PPFIA4: variants seen among roughly 807,000 people sequenced by gnomAD.
PPFIA4 encodes the protein PPFI scaffold protein A4.
In PPFIA4, 98 loss-of-function variants were observed where a neutral mutation model predicts 145.7. That is an observed-to-expected ratio of 0.67 (90% CI 0.57 to 0.80). The LOEUF (loss-of-function observed/expected upper bound fraction) is 0.80. PPFIA4 is among the 30% of genes least tolerant of loss of function. The pLI, the probability that PPFIA4 is intolerant of heterozygous loss-of-function variation, is 0.00. For synonymous variants in PPFIA4, 628 were observed against 649.6 expected (o/e 0.97, Z 0.51); for missense variants, 1,457 against 1,632.7 (o/e 0.89, Z 1.85).
At chr1:203,065,522 C>T (rs1028267166) in intron 25 of PPFIA4, among the ~76,000 whole-genome samples, 4 of 152,190 alleles carry the variant, frequency 2.6e-5, no homozygotes, top group Non-Finnish European at 5.9e-5. Context: ...TCCCCGCAAC[C>T]CCTCTGCCCC....
intron 14 of PPFIA4, 55 bp from the exon 15 acceptor site, chr1:203,053,698 T>C (rs1660695545): frequency 3.4e-6 from 5 of 1,465,260 alleles, no homozygotes; most frequent in Non-Finnish European, 3.7e-6. Context: ...AGGGTCCTGC[T>C]CTGCAGTTAT....
chr1:203,048,458 G>A lies in PPFIA4; in HGVS notation c.1225-125G>A, dbSNP rs1201808848. ...AGGCTGGCAGGTGAAGGGGGAGGTGGTCAGGAGACTGGAGAGAGTGGCTCC... is the reference window on the plus strand; with the variant it reads ...AGGCTGGCAGGTGAAGGGGGAGGTGATCAGGAGACTGGAGAGAGTGGCTCC... On this transcript the variant is annotated intron_variant, in intron 10 of 29. Coordinates refer to ENST00000295706, the MANE Select transcript of PPFIA4 (RefSeq NM_001304331.2). The surrounding 1 kb of genome is among the most constrained non-coding windows in gnomAD (Gnocchi z 5.8). 8.1e-6 allele frequency: 12 copies of A among 1,480,534 alleles called. No homozygotes were observed. In the African/African-American group the frequency reaches 1.5e-4, roughly 19 times the overall value. 91.7% of individuals were successfully genotyped at this position (1,480,534 alleles called of 1,614,324 possible). A position where few individuals can be genotyped will look rare whatever the true frequency, so the allele number is the denominator to read the frequency against.
rs576911183 is a variant in PPFIA4, at chr1:203,056,991, G to A, written c.2407+41G>A. 4 of 1,607,932 alleles carry A rather than the reference G, an allele frequency of 2.5e-6. No individual in the cohort carries two copies. In the African/African-American group the frequency reaches 5.3e-5, roughly 21 times the overall value. On this transcript the variant is annotated intron_variant, in intron 19 of 29. Coordinates refer to ENST00000295706, the MANE Select transcript of PPFIA4 (RefSeq NM_001304331.2). ...CTAACGGAGGTCTGGGCGGGCATTG[G>A]GGCATCAGAAGCAGGAAGGTGTACT...
At chr1:203,036,028 G>A (rs1379751222) in intron 1 of PPFIA4, among the ~76,000 whole-genome samples, 4 of 152,202 alleles carry the variant, frequency 2.6e-5, no homozygotes, top group Non-Finnish European at 5.9e-5. Flanking sequence ...GGAGGATTTG[G>A]GGAGGCCAAG....
chr1:203,051,543 T>C, intron 13 of PPFIA4: 1 of 818,302 alleles, frequency 1.2e-6, no homozygotes, highest in Middle Eastern at 3.5e-4. Flanking sequence ...GGAAAACCGC[T>C]CTCTGGAACT....
At chr1:203,072,079 G>A (rs773952235) in intron 28 of PPFIA4, among the ~76,000 whole-genome samples, 1 of 152,158 alleles carries the variant, frequency 6.6e-6, no homozygotes, top group Non-Finnish European at 1.5e-5. Context: ...TTTCCCCAAA[G>A]GCCATATCTT....
intron 14 of PPFIA4, 41 bp from the exon 15 acceptor site, chr1:203,053,712 G>A: frequency 2.0e-6 from 3 of 1,513,888 alleles, no homozygotes; most frequent in South Asian, 1.2e-5. Flanking sequence ...CAGTTATCTG[G>A]GTGTCTTATT....
At chr1:203,032,363 G>T (rs1356995085) in intron 1 of PPFIA4, among the ~76,000 whole-genome samples, 1 of 151,752 alleles carries the variant, frequency 6.6e-6, no homozygotes, top group Non-Finnish European at 1.5e-5. Flanking sequence ...ATAATTTTGG[G>T]TATTTCAGAA....
chr1:203,061,110 G>A (rs1661327333), intron 23 of PPFIA4, 78 bp downstream of exon 23: 11 of 1,412,528 alleles, frequency 7.8e-6, no homozygotes, highest in African/African-American at 4.2e-5. Flanking sequence ...GGAAGGCTGT[G>A]GGCAGTCAGA....
intron 1 of PPFIA4, among the ~76,000 whole-genome samples, chr1:203,034,017 T>C (rs1659033584): frequency 6.6e-6 from 1 of 152,094 alleles, no homozygotes; most frequent in Non-Finnish European, 1.5e-5. Context: ...TCCATGGGTG[T>C]TAGGGCCCTG....
chr1:203,054,820 A>G (rs1660801441), intron 15 of PPFIA4, among the ~76,000 whole-genome samples: 1 of 152,234 alleles, frequency 6.6e-6, no homozygotes, highest in South Asian at 2.1e-4. Context: ...TGCAAAAGAA[A>G]GGACATTTTA....
At chr1:203,045,794 G>A (rs781227484) in intron 7 of PPFIA4, 47 bp from the exon 8 acceptor site, 58 of 1,611,840 alleles carry the variant, frequency 3.6e-5, no homozygotes, top group Non-Finnish European at 4.5e-5. Context: ...ACAGGATGGG[G>A]GCAAGGAAAG....
rs1419065618 is a variant in PPFIA4, at chr1:203,063,843, GA to G, written c.2891del (p.Asp964AlafsTer2). ...GSWAQTLAYG[D>X]MNHEWIGNEW... is the part of the protein sequence containing the mutation. ...ATTTCCCTAGACCCTGGCCTATGGG[GA>G]CATGAACCATGAGTGGATTGGGAAT... On this transcript the variant is annotated frameshift_variant, in exon 25 of 30. Coordinates refer to ENST00000295706, the MANE Select transcript of PPFIA4 (RefSeq NM_001304331.2). LOFTEE classifies it high-confidence loss of function. The G allele has an allele frequency of 2.5e-6, 4 of 1,613,880 alleles. No individual in the cohort carries two copies. Among genetic ancestry groups the G allele is most frequent in the Non-Finnish European group, 3.4e-6 (4 of 1,179,912 alleles).
At position 203,039,164 on chromosome 1, in the gene PPFIA4, G is replaced by A. The variant is rs368694922; in HGVS notation, c.156G>A (p.Ala52=). The A allele has an allele frequency of 1.2e-5, 20 of 1,607,062 alleles. No homozygotes were observed. Among genetic ancestry groups the A allele is most frequent in the African/African-American group, 8.0e-5 (6 of 74,804 alleles). The change falls in exon 2 of 30, where the codon GCG becomes GCA. Residue 52 remains alanine (A), a synonymous_variant. Coordinates refer to ENST00000295706, the MANE Select transcript of PPFIA4 (RefSeq NM_001304331.2). ...TTCGGGAGAGTCAGGAGACCTTGGC[G>A]GCCACACAGAGCCGGCTCCAGGATG... The part of the protein sequence containing the change: ...ESLRESQETL[A]ATQSRLQDAI...
Position 203,077,723 on chromosome 1 carries a change from T to C in PPFIA4, c.*1333T>C, listed in dbSNP as rs1025480567. On this transcript the variant is annotated 3_prime_UTR_variant, in exon 30 of 30. Transcript: ENST00000295706. The stretch of plus-strand genomic sequence containing the variant: ...AACCCAAGCTGAGGGATACAGGTCC[T>C]GATTTGGTAGGAATATTATTCCCAA... 1 of 152,222 alleles carries C rather than the reference T, an allele frequency of 6.6e-6. No homozygotes were observed. The highest frequency in any genetic ancestry group is 1.5e-5 in the Non-Finnish European group (1 of 68,044). 9.4% of individuals were successfully genotyped at this position (152,222 alleles called of 1,614,324 possible).
intron 1 of PPFIA4, among the ~76,000 whole-genome samples, chr1:203,038,270 A>G (rs1421740546): frequency 1.3e-5 from 2 of 152,164 alleles, no homozygotes; most frequent in East Asian, 3.9e-4. Flanking sequence ...AGGTCTCAGG[A>G]GGACTCTGGG....
intron 1 of PPFIA4, among the ~76,000 whole-genome samples, chr1:203,027,074 C>A (rs1053659307): frequency 6.6e-6 from 1 of 152,230 alleles, no homozygotes; most frequent in African/African-American, 2.4e-5. Context: ...TTAATCTTTC[C>A]CGAGTTGCTC....
intron 25 of PPFIA4, among the ~76,000 whole-genome samples, chr1:203,066,102 T>G (rs1661713087): frequency 6.6e-6 from 1 of 152,232 alleles, no homozygotes. Flanking sequence ...GCTTAAGGGC[T>G]TTGTATTTTT....
intron 1 of PPFIA4, among the ~76,000 whole-genome samples, chr1:203,036,825 A>G (rs1659308181): frequency 6.6e-6 from 1 of 152,228 alleles, no homozygotes; most frequent in South Asian, 2.1e-4. Context: ...TGTTGGGGAA[A>G]GGAGGAGGCA....
Sources: gnomAD v4.1 joint callset for allele counts (sites outside exome capture counted in the v4.1 genomes callset) on GRCh38, gnomAD v4.1.1 for gene constraint, Gnocchi (gnomAD v3.1) non-coding constraint, MANE v1.5 for transcripts, NCBI Gene and HGNC (gene_info 2026-07-23, HGNC 2026-07-21) for gene names.